Variants in SLC67A2 observed in about 807,000 individuals in gnomAD.
SLC67A2 encodes the protein solute carrier family 67 member A2.
the SLC67A2 span, among the ~76,000 whole-genome samples, chr2:102,720,627 G>A: frequency 1.3e-5 from 2 of 152,156 alleles, no homozygotes; most frequent in Admixed American, 1.3e-4. Context: ...CTCATAACAA[G>A]GCTATGTGTT....
chr2:102,716,439 G>T, the SLC67A2 span: 1 of 152,070 alleles, frequency 6.6e-6, no homozygotes, highest in Admixed American at 6.6e-5. Context: ...TGCTCCTTAA[G>T]GGCAAGGCCA....
At chr2:102,715,148 A>C in the SLC67A2 span, among the ~76,000 whole-genome samples, 1 of 151,832 alleles carries the variant, frequency 6.6e-6, no homozygotes, top group Non-Finnish European at 1.5e-5. Flanking sequence ...AGTCCAGACT[A>C]CTCCTTGGGC....
At chr2:102,720,376 C>T in the SLC67A2 span, among the ~76,000 whole-genome samples, 1 of 152,102 alleles carries the variant, frequency 6.6e-6, no homozygotes, top group Non-Finnish European at 1.5e-5. Flanking sequence ...AGAATTATTG[C>T]TGATGAACTA....
the SLC67A2 span, chr2:102,732,301 T>C: frequency 6.3e-7 from 1 of 1,586,464 alleles, no homozygotes; most frequent in South Asian, 1.1e-5. Flanking sequence ...GCTCTAAAAA[T>C]GAGCAATATC....
chr2:102,718,840 G>A, the SLC67A2 span: 9 of 1,613,960 alleles, frequency 5.6e-6, no homozygotes, highest in East Asian at 4.5e-5. Flanking sequence ...GGGCAAGGCC[G>A]GCCACGGCCC....
chr2:102,728,619 C>T, the SLC67A2 span, among the ~76,000 whole-genome samples: 1 of 152,158 alleles, frequency 6.6e-6, no homozygotes, highest in Non-Finnish European at 1.5e-5. Flanking sequence ...ATTCCCCATA[C>T]TCTTTTGATC....
At chr2:102,732,459 G>A in the SLC67A2 span, 1 of 1,418,990 alleles carries the variant, frequency 7.0e-7, no homozygotes, top group Non-Finnish European at 9.7e-7. Context: ...TTTCAAACTA[G>A]TAAACCTAAA....
chr2:102,736,801 C>A, the SLC67A2 span: 30 of 1,610,168 alleles, frequency 1.9e-5, no homozygotes, highest in Non-Finnish European at 2.4e-5. Flanking sequence ...CAGTGACCCC[C>A]AAGCTCCATA....
At chr2:102,718,865 T>G in the SLC67A2 span, 1 of 1,614,066 alleles carries the variant, frequency 6.2e-7, no homozygotes, top group Non-Finnish European at 8.5e-7. Context: ...CATGCTGCTG[T>G]AACTGATGAG....
At chr2:102,727,006 C>T in the SLC67A2 span, 1 of 1,605,302 alleles carries the variant, frequency 6.2e-7, no homozygotes, top group Non-Finnish European at 8.5e-7. Context: ...CCTTGGACCC[C>T]ATTCACAGTA....
At chr2:102,718,573 G>C in the SLC67A2 span, 1 of 1,613,266 alleles carries the variant, frequency 6.2e-7, no homozygotes, top group South Asian at 1.1e-5. Context: ...GAGGGGCGAT[G>C]ATGCGGCCCA....
chr2:102,714,993 T>A, the SLC67A2 span, among the ~76,000 whole-genome samples: 5 of 152,278 alleles, frequency 3.3e-5, no homozygotes, highest in South Asian at 4.1e-4. Flanking sequence ...AGCAACCCTT[T>A]GAAATTCCTC....
chr2:102,719,912 C>T, the SLC67A2 span, among the ~76,000 whole-genome samples: 1 of 152,142 alleles, frequency 6.6e-6, no homozygotes, highest in African/African-American at 2.4e-5. Context: ...GTCACACCTG[C>T]AAAACCTCAG....
the SLC67A2 span, chr2:102,730,994 G>A: frequency 6.2e-7 from 1 of 1,606,162 alleles, no homozygotes; most frequent in Admixed American, 1.7e-5. Flanking sequence ...TACTACATCT[G>A]TGATGGATGA....
At chr2:102,736,646 CAAG>C in the SLC67A2 span, 1 of 1,613,956 alleles carries the variant, frequency 6.2e-7, no homozygotes, top group East Asian at 2.2e-5. Context: ...TCGCACTCAC[CAAG>C]AAGCCCACCA....
At chr2:102,722,788 C>T in the SLC67A2 span, among the ~76,000 whole-genome samples, 9 of 152,238 alleles carry the variant, frequency 5.9e-5, no homozygotes, top group East Asian at 1.5e-3. Flanking sequence ...AACGAAAAAG[C>T]TTCTGCACAG....
the SLC67A2 span, chr2:102,718,478 A>C: frequency 6.2e-7 from 1 of 1,614,162 alleles, no homozygotes; most frequent in Non-Finnish European, 8.5e-7. Context: ...GTTTAGAGAC[A>C]TTATGAAAAT....
At chr2:102,722,717 C>T in the SLC67A2 span, among the ~76,000 whole-genome samples, 6 of 151,828 alleles carry the variant, frequency 4.0e-5, no homozygotes, top group African/African-American at 1.2e-4. Context: ...TTGACCTTGG[C>T]AATAATTTCT....
the SLC67A2 span, among the ~76,000 whole-genome samples, chr2:102,734,454 A>C: frequency 1.3e-5 from 2 of 152,210 alleles, no homozygotes; most frequent in African/African-American, 4.8e-5. Context: ...ACAATTTGGC[A>C]AATGACTTCT....
Sources: gnomAD v4.1 joint callset for allele counts (sites outside exome capture counted in the v4.1 genomes callset) on GRCh38, gnomAD v4.1.1 for gene constraint, MANE v1.5 for transcripts, NCBI Gene and HGNC (gene_info 2026-07-23, HGNC 2026-07-21) for gene names.